The following PFAS variants were observed in gnomAD, a reference collection of about 807,000 sequenced individuals.
PFAS encodes the protein phosphoribosylformylglycinamidine synthase.
A neutral mutation model predicts 140.6 loss-of-function variants in PFAS; 97 were observed. The observed-to-expected ratio is 0.69, with a 90% CI of 0.59 to 0.82. The LOEUF (loss-of-function observed/expected upper bound fraction) is 0.82. Among genes scored for constraint, PFAS ranks in the 40% least tolerant of loss-of-function variants. PFAS has a pLI of 0.00. For synonymous variants in PFAS, 679 were observed against 718.8 expected, an observed-to-expected ratio of 0.94 and a Z score of 0.88; for missense variants, 1,656 against 1,780.2, an observed-to-expected ratio of 0.93 and a Z score of 1.26.
chr17:8,263,268 G>A lies in PFAS; in HGVS notation c.1567+3G>A. On this transcript the variant is annotated splice_donor_region_variant and intron_variant, in intron 13 of 27. Coordinates refer to ENST00000314666, the MANE Select transcript of PFAS (RefSeq NM_012393.3). ...TGATCAGGGCGCTGGTGGCAATGGT[G>A]AGGAAAGGAGTTGGAACAAGAGACT... 1 of 1,614,128 alleles carries A rather than the reference G, an allele frequency of 6.2e-7. No individual in the cohort carries two copies. The highest frequency in any genetic ancestry group is 8.5e-7 in the Non-Finnish European group (1 of 1,180,016).
chr17:8,265,433 C>G lies in PFAS; in HGVS notation c.2426C>G (p.Ala809Gly). 6.2e-7 allele frequency: 1 copy of G among 1,614,170 alleles called. No individual in the cohort carries two copies. ...VDGGKDSLSM[A>G]ARVGTETVRA... ...GGTGGCAAGGACTCCCTCAGCATGG[C>G]TGCTCGGGTTGGCACTGAGACCGTG... The change falls in exon 19 of 28, where the codon GCT (alanine) becomes GGT (glycine). Residue 809 changes from alanine to glycine, a missense_variant. Physicochemically the swap from Ala to Gly is moderately conservative, Grantham distance 60. Transcript: ENST00000314666.
At position 8,263,130 on chromosome 17, in the gene PFAS, G is replaced by A. The variant is rs1383750409; in HGVS notation, c.1432G>A (p.Asp478Asn). ...CCAGGTGCAGGGAGATAACACCAGTGACCTGGACTTTGGGGCTGTGCAGCG... is the reference window on the plus strand; with the variant it reads ...CCAGGTGCAGGGAGATAACACCAGTAACCTGGACTTTGGGGCTGTGCAGCG... ...SVQVQGDNTSDLDFGAVQRGD... is the reference protein window; with the variant it reads ...SVQVQGDNTSNLDFGAVQRGD... The change falls in exon 13 of 28, where the codon GAC (aspartate) becomes AAC (asparagine). Residue 478 changes from aspartate to asparagine, a missense_variant. This residue lies in a region of PFAS where 773 missense variants were observed against 757.3 expected (regional missense o/e 1.02). Coordinates refer to ENST00000314666, the MANE Select transcript of PFAS (RefSeq NM_012393.3). 2 of 1,614,042 alleles carry A rather than the reference G, an allele frequency of 1.2e-6. No homozygotes were observed. Among genetic ancestry groups the A allele is most frequent in the South Asian group, 2.2e-5 (2 of 91,080 alleles).
At chr17:8,254,737 G>A (rs1989291573) in intron 3 of PFAS, among the ~76,000 whole-genome samples, 1 of 152,234 alleles carries the variant, frequency 6.6e-6, no homozygotes, top group South Asian at 2.1e-4. Context: ...CCGGGAGGCA[G>A]AGGTTGCAGT....
At position 8,269,846 on chromosome 17, in the gene PFAS, C is replaced by T. The variant is rs1259755933; in HGVS notation, c.*582C>T. 1 of 151,488 alleles carries T rather than the reference C, an allele frequency of 6.6e-6. No individual in the cohort carries two copies. The highest frequency in any genetic ancestry group is 2.4e-5 in the African/African-American group (1 of 41,184). 9.4% of individuals were successfully genotyped at this position (151,488 alleles called of 1,614,324 possible). On this transcript the variant is annotated 3_prime_UTR_variant, in exon 28 of 28. Coordinates refer to ENST00000314666, the MANE Select transcript of PFAS (RefSeq NM_012393.3). ...TCTTAGGGCTGGCCTCAGAACCCAG[C>T]ATTCCTGTTATTTGCTTCTAAATTA...
intron 9 of PFAS, among the ~76,000 whole-genome samples, chr17:8,257,514 C>G (rs1021107095): frequency 2.0e-5 from 3 of 152,106 alleles, no homozygotes; most frequent in Admixed American, 6.5e-5. Context: ...CAAGATCACG[C>G]CACTGCACGC....
intron 1 of PFAS, among the ~76,000 whole-genome samples, chr17:8,252,308 AAAATAAAT>A (rs1025065327): frequency 1.3e-5 from 2 of 152,046 alleles, no homozygotes; most frequent in Admixed American, 6.6e-5. Flanking sequence ...AAAGAAAAAG[AAAATAAAT>A]AAATAAATAA....
chr17:8,261,529 G>A (rs1000005296), intron 11 of PFAS, among the ~76,000 whole-genome samples: 44 of 151,810 alleles, frequency 2.9e-4, no homozygotes, highest in African/African-American at 8.9e-4. Flanking sequence ...GTGAGCCACC[G>A]CACCTGGCCG....
Position 8,267,943 on chromosome 17 carries a change from T to G in PFAS, c.3382+278T>G, listed in dbSNP as rs1402355869. Among the ~76,000 whole-genome samples the G allele has an allele frequency of 1.4e-5, 2 of 144,848 alleles. No homozygotes were observed. The highest frequency in any genetic ancestry group is 1.4e-4 in the Admixed American group (2 of 14,318). On this transcript the variant is annotated intron_variant, in intron 26 of 27. Coordinates refer to ENST00000314666, the MANE Select transcript of PFAS (RefSeq NM_012393.3). This position sits in a 1 kb window ranked among gnomAD's most constrained non-coding sequence, Gnocchi z 4.9. ...TATATATTATTAAAATGTATATTAT[T>G]TATATATTATTAAAATATATATTAT...
chr17:8,248,050 T>G (rs1304941630), upstream of PFAS: 3 of 1,180,804 alleles, frequency 2.5e-6, no homozygotes, highest in Non-Finnish European at 3.4e-6. Flanking sequence ...GCGCCGGAGC[T>G]CCGCCCCCGG....
At chr17:8,263,462 C>T (rs1041838322) in intron 13 of PFAS, 113 bp from the exon 14 acceptor site, 2 of 1,057,530 alleles carry the variant, frequency 1.9e-6, no homozygotes, top group African/African-American at 1.6e-5. Flanking sequence ...AAGGGTGCGG[C>T]AGCAGTTGAC....
intron 11 of PFAS, among the ~76,000 whole-genome samples, chr17:8,259,652 G>C (rs1281140616): frequency 6.6e-6 from 1 of 152,060 alleles, no homozygotes; most frequent in Non-Finnish European, 1.5e-5. Flanking sequence ...GCTGGATATG[G>C]TGGTGTACAC....
At chr17:8,250,058 T>C (rs984375331) in intron 1 of PFAS, among the ~76,000 whole-genome samples, 5 of 151,974 alleles carry the variant, frequency 3.3e-5, no homozygotes, top group African/African-American at 9.7e-5. Flanking sequence ...TCACCAGAAA[T>C]CTAAATAACA....
At position 8,266,254 on chromosome 17, in the gene PFAS, C is replaced by A. The variant is rs1362133518; in HGVS notation, c.2722C>A (p.His908Asn). The change falls in exon 22 of 28, where the codon CAC becomes AAC. Residue 908 changes from histidine (H) to asparagine (N), a missense_variant. Coordinates refer to ENST00000314666, the MANE Select transcript of PFAS (RefSeq NM_012393.3). This position sits in a 1 kb window ranked among gnomAD's most constrained non-coding sequence, Gnocchi z 5.0. ...TCCAGACCGCCTCCTCTGCTCAGGC[C>A]ACGATGTCAGTGACGGAGGCCTCGT... ...LLKDRLLCSG[H>N]DVSDGGLVTC... 1 of 1,614,050 alleles carries A rather than the reference C, an allele frequency of 6.2e-7. No individual in the cohort carries two copies. Among genetic ancestry groups the A allele is most frequent in the South Asian group, 1.1e-5 (1 of 91,080 alleles).
At chr17:8,263,699 C>T in intron 14 of PFAS, 63 bp downstream of exon 14, 2 of 1,604,244 alleles carry the variant, frequency 1.2e-6, no homozygotes, top group South Asian at 2.2e-5. Flanking sequence ...CCGCTTCCAC[C>T]CATCTCTCTT....
rs1328061477 is a variant in PFAS, at chr17:8,254,453, C to T, written c.278+152C>T. On this transcript the variant is annotated intron_variant, in intron 3 of 27. Transcript: ENST00000314666. ...CCATTTGGGTAGATCCCTCCAAAGACCTAGCCTGCTCCAAAACATGTTCTC... is the reference window on the plus strand; with the variant it reads ...CCATTTGGGTAGATCCCTCCAAAGATCTAGCCTGCTCCAAAACATGTTCTC... 7 of 823,280 alleles carry T rather than the reference C, an allele frequency of 8.5e-6. No individual in the cohort carries two copies. The South Asian group carries it at 9.9e-5, about 12-fold the overall frequency. 51.0% of individuals were successfully genotyped at this position (823,280 alleles called of 1,614,324 possible).
chr17:8,264,569 G>A lies in PFAS; in HGVS notation c.2017G>A (p.Ala673Thr), dbSNP rs748768448. The A allele has an allele frequency of 2.8e-5, 45 of 1,613,132 alleles. No homozygotes were observed. Among genetic ancestry groups the A allele is most frequent in the East Asian group, 6.7e-5 (3 of 44,882 alleles). The change falls in exon 17 of 28, where the codon GCC (alanine) becomes ACC (threonine). Residue 673 changes from alanine (A) to threonine (T), a missense_variant. Transcript: ENST00000314666. The stretch of plus-strand genomic sequence containing the variant: ...TCTGGAGAGGGTTCTGAGGCTGCCC[G>A]CCGTGGCCAGCAAGCGCTACCTCAC... ...QALERVLRLP[A>T]VASKRYLTNK...
In PFAS at chr17:8,263,899, C is replaced by G. The variant is rs144294972; in HGVS notation, c.1754C>G (p.Pro585Arg). The part of the protein sequence containing the change: ...LTHVSARERC[P>R]ACFVGTITGD... ...CATGTCAGTGCCCGTGAACGTTGCC[C>G]GGCTTGCTTCGTGGGCACCATCACT... The change falls in exon 15 of 28, where the codon CCG becomes CGG. Residue 585 changes from proline (P) to arginine (R), a missense_variant. By Grantham distance (103) the Pro-to-Arg change is moderately radical. This residue lies in a region of PFAS where 883 missense variants were observed against 1,023.0 expected (regional missense o/e 0.86). Coordinates refer to ENST00000314666, the MANE Select transcript of PFAS (RefSeq NM_012393.3). The G allele has an allele frequency of 3.2e-4, 520 of 1,613,794 alleles. No individual in the cohort carries two copies. Among genetic ancestry groups the G allele is most frequent in the South Asian group, 2.6e-3 (234 of 91,080 alleles).
rs757754275 is a variant in PFAS, at chr17:8,264,613, AC to A, written c.2049+15del. ...ACCTCACCAATAAGGTCCTCCCTGC[AC>A]CCTTCCTCTGCCCCCTGCCTCCTTC... is the stretch of plus-strand genomic sequence containing the variant. On this transcript the variant is annotated intron_variant, in intron 17 of 27. Coordinates refer to ENST00000314666, the MANE Select transcript of PFAS (RefSeq NM_012393.3). 2.3e-5 allele frequency: 37 copies of A among 1,592,878 alleles called. 1 individual carries two copies. The South Asian group carries it at 4.0e-4, about 17-fold the overall frequency.
At chr17:8,250,978 T>C (rs991429918) in intron 1 of PFAS, among the ~76,000 whole-genome samples, 2 of 146,858 alleles carry the variant, frequency 1.4e-5, no homozygotes, top group African/African-American at 2.5e-5. Context: ...TTTTTTTTTT[T>C]ATTTTTTTTA....
Sources: allele counts gnomAD v4.1 joint callset (sites outside exome capture counted in the v4.1 genomes callset), GRCh38; gene constraint gnomAD v4.1.1; regional missense constraint gnomAD v4.1.1; non-coding constraint Gnocchi (gnomAD v3.1); transcripts MANE v1.5; gene names NCBI Gene and HGNC (gene_info 2026-07-23, HGNC 2026-07-21).